The following MYOM2 variants were observed in gnomAD, a reference collection of about 807,000 sequenced individuals.
The protein encoded by MYOM2 is myomesin 2, also known as myomesin-2.
Under a neutral mutation model 187.6 loss-of-function variants are expected in MYOM2, and 254 were observed. The ratio of observed to expected loss-of-function variants is 1.35; its 90% CI spans 1.22 to 1.50. The LOEUF (loss-of-function observed/expected upper bound fraction) is 1.50. MYOM2 is among the 40% of genes most tolerant of loss of function. The pLI is 0.00. For synonymous variants in MYOM2, 981 were observed against 753.8 expected (o/e 1.30, Z -4.94); for missense variants, 2,796 against 1,924.0 (o/e 1.45, Z -8.48).
At chr8:2,134,866 A>T (rs1263721632) in intron 32 of MYOM2, among the ~76,000 whole-genome samples, 1 of 152,084 alleles carries the variant, frequency 6.6e-6, no homozygotes, top group Non-Finnish European at 1.5e-5. Context: ...CCATTGCTAC[A>T]ATCCCAGAAG....
intron 34 of MYOM2, among the ~76,000 whole-genome samples, chr8:2,141,518 C>T (rs1011540619): frequency 9.2e-5 from 14 of 152,030 alleles, no homozygotes; most frequent in African/African-American, 2.4e-4. Flanking sequence ...GGCTTTTGGC[C>T]GATTTCGGTC....
At chr8:2,088,090 G>C (rs943352808) in intron 14 of MYOM2, among the ~76,000 whole-genome samples, 2 of 151,960 alleles carry the variant, frequency 1.3e-5, no homozygotes, top group African/African-American at 4.8e-5. Context: ...GGGTACAGGG[G>C]GTATTTGGTT....
Position 2,076,199 on chromosome 8 carries a change from C to A in MYOM2, c.1179C>A (p.Asp393Glu). 6.2e-7 allele frequency: 1 copy of A among 1,613,572 alleles called. No individual in the cohort carries two copies. Among genetic ancestry groups the A allele is most frequent in the South Asian group, 1.1e-5 (1 of 90,924 alleles). ...PGAPMDLQCHDANRDYVIVTW... is the reference protein window; with the variant it reads ...PGAPMDLQCHEANRDYVIVTW... ...CACCCATGGACTTGCAGTGCCACGACGCCAACCGGGACTACGTCATCGTGA... is the reference window on the plus strand; with the variant it reads ...CACCCATGGACTTGCAGTGCCACGAAGCCAACCGGGACTACGTCATCGTGA... The change falls in exon 11 of 37, where the codon GAC becomes GAA. Residue 393 changes from aspartate (D) to glutamate (E), a missense_variant. Transcript: ENST00000262113.
At chr8:2,123,519 G>T in intron 29 of MYOM2, 36 bp from the exon 30 acceptor site, 1 of 1,575,832 alleles carries the variant, frequency 6.3e-7, no homozygotes, top group African/African-American at 1.3e-5. Context: ...TTGCAGTATT[G>T]ACTTTACATA....
At chr8:2,135,403 C>T (rs1798034064) in intron 32 of MYOM2, among the ~76,000 whole-genome samples, 1 of 152,144 alleles carries the variant, frequency 6.6e-6, no homozygotes, top group African/African-American at 2.4e-5. Context: ...GTTCCCCTTG[C>T]TTTCAGGTTG....
In MYOM2 at chr8:2,106,273, A is replaced by G; in HGVS notation, c.2766A>G (p.Glu922=). 1 of 1,614,190 alleles carries G rather than the reference A, an allele frequency of 6.2e-7. No homozygotes were observed. The highest frequency in any genetic ancestry group is 8.5e-7 in the Non-Finnish European group (1 of 1,180,044). The stretch of plus-strand genomic sequence containing the variant: ...AGGAAATCAGTGCTGGTGTCGATGA[A>G]CAAGGCAACATCTATCTGGGCTTCG... ...GTKEISAGVD[E]QGNIYLGFDC... is the part of the protein sequence containing the mutation. The change falls in exon 22 of 37, where the codon GAA becomes GAG. Residue 922 remains glutamate (E), a synonymous_variant. Transcript: ENST00000262113.
chr8:2,095,937 A>C (rs1247277387), intron 17 of MYOM2, among the ~76,000 whole-genome samples: 1 of 152,232 alleles, frequency 6.6e-6, no homozygotes, highest in Non-Finnish European at 1.5e-5. Flanking sequence ...AGAAGACAGA[A>C]CATCTTCTGC....
At position 2,137,917 on chromosome 8, in the gene MYOM2, G is replaced by A. The variant is rs185668962; in HGVS notation, c.3801-2806G>A. Among the ~76,000 whole-genome samples, 41 of 152,250 alleles carry A rather than the reference G, an allele frequency of 2.7e-4. 2 individuals are homozygous for A. In the East Asian group the frequency reaches 6.6e-3, roughly 24 times the overall value. On this transcript the variant is annotated intron_variant, in intron 32 of 36. Coordinates refer to ENST00000262113, the MANE Select transcript of MYOM2 (RefSeq NM_003970.4). Reference sequence around the variant, plus strand: ...TTTGCCTTCAGGTCTCTGCACAGACGGGCTTCTTGCTGCTCCTCACACGCC... The same window carrying A: ...TTTGCCTTCAGGTCTCTGCACAGACAGGCTTCTTGCTGCTCCTCACACGCC...
chr8:2,089,942 TCCTCCACACG>T (rs1162282911), intron 14 of MYOM2, 56 bp from the exon 15 acceptor site: 4 of 1,494,034 alleles, frequency 2.7e-6, no homozygotes, highest in Non-Finnish European at 3.7e-6. Context: ...CATTTCTTCC[TCCTCCACACG>T]CCTCTGGGGA....
rs112566516 is a variant in MYOM2, at chr8:2,092,452, C to T, written c.1935C>T (p.Tyr645=). Residue 645 remains tyrosine (Y), a synonymous_variant, in exon 16 of 37, where the codon TAC becomes TAT. Coordinates refer to ENST00000262113, the MANE Select transcript of MYOM2 (RefSeq NM_003970.4). ...PKHEEDLLGY[Y]VDCCVAGTNL... ...ATGAGGAGGACCTGCTGGGCTACTACGTGGACTGCTGTGTGGCCGGAACCA... is the reference window on the plus strand; with the variant it reads ...ATGAGGAGGACCTGCTGGGCTACTATGTGGACTGCTGTGTGGCCGGAACCA... 2.8e-5 allele frequency: 45 copies of T among 1,614,014 alleles called. No homozygotes were observed. The highest frequency in any genetic ancestry group is 1.6e-4 in the Middle Eastern group (1 of 6,080).
chr8:2,133,554 G>A (rs1260664691), intron 32 of MYOM2, among the ~76,000 whole-genome samples: 4 of 152,146 alleles, frequency 2.6e-5, no homozygotes, highest in African/African-American at 9.7e-5. Flanking sequence ...TCTGCCTCCT[G>A]GGTTCAAGTG....
At chr8:2,081,916 C>G (rs530564406) in intron 13 of MYOM2, 2 of 152,258 alleles carry the variant, frequency 1.3e-5, no homozygotes, top group Non-Finnish European at 2.9e-5. Context: ...TCCTTGCTTT[C>G]AGCAAGGCAG....
At chr8:2,083,425 CAGTA>C (rs1819700527) in intron 13 of MYOM2, among the ~76,000 whole-genome samples, 1 of 150,776 alleles carries the variant, frequency 6.6e-6, no homozygotes. Context: ...GTGTGCTTAG[CAGTA>C]TCTCATGTGT....
intron 17 of MYOM2, among the ~76,000 whole-genome samples, 196 bp downstream of exon 17, chr8:2,094,287 T>A (rs1050200841): frequency 1.3e-5 from 2 of 152,090 alleles, no homozygotes; most frequent in African/African-American, 4.8e-5. Flanking sequence ...GAGGGAGAAA[T>A]GATAATACAC....
intron 6 of MYOM2, among the ~76,000 whole-genome samples, chr8:2,065,781 C>T (rs1818999185): frequency 6.6e-6 from 1 of 152,216 alleles, no homozygotes; most frequent in African/African-American, 2.4e-5. Context: ...GAAGCTCTGC[C>T]TGAGGCCCCG....
chr8:2,066,470 G>T (rs961791080), intron 6 of MYOM2, among the ~76,000 whole-genome samples: 1 of 152,206 alleles, frequency 6.6e-6, no homozygotes, highest in Admixed American at 6.5e-5. Context: ...CGTTGTAGAG[G>T]AAGGGTTAGG....
Position 2,096,407 on chromosome 8 carries a change from C to G in MYOM2, c.2286C>G (p.Ser762=), listed in dbSNP as rs764786290. The G allele has an allele frequency of 4.3e-6, 7 of 1,614,106 alleles. No individual in the cohort carries two copies. In the African/African-American group the frequency reaches 8.0e-5, roughly 18 times the overall value. ...ATAAAAACTGGCACGAGGTCAATTC[C>G]TCACCCAGCAAACCGACAATCCTAA... The part of the protein sequence containing the change: ...VHHKNWHEVN[S]SPSKPTILTV... The change falls in exon 18 of 37, where the codon TCC becomes TCG. Residue 762 remains serine, a synonymous_variant. Transcript: ENST00000262113.
intron 13 of MYOM2, among the ~76,000 whole-genome samples, chr8:2,080,277 T>G (rs1819576213): frequency 6.6e-6 from 1 of 152,210 alleles, no homozygotes; most frequent in South Asian, 2.1e-4. Context: ...AGAGGTGATT[T>G]TGAGCTGCTC....
rs1796334216 is a variant in MYOM2, at chr8:2,092,362, G to A, written c.1845G>A (p.Pro615=). The A allele has an allele frequency of 3.7e-6, 6 of 1,613,894 alleles. No individual in the cohort carries two copies. The highest frequency in any genetic ancestry group is 1.3e-5 in the African/African-American group (1 of 74,894). ...TACGAAAAGTTGTCCCTTCTGCTCCGGGTCGGGTTCTTGCTTCCCGAAACA... is the reference window on the plus strand; with the variant it reads ...TACGAAAAGTTGTCCCTTCTGCTCCAGGTCGGGTTCTTGCTTCCCGAAACA... ...AQDVTVVPSA[P]GRVLASRNTK... Residue 615 remains proline (P), a synonymous_variant, in exon 16 of 37, where the codon CCG becomes CCA. Transcript: ENST00000262113.
Sources: gnomAD v4.1 joint callset for allele counts (sites outside exome capture counted in the v4.1 genomes callset) on GRCh38, gnomAD v4.1.1 for gene constraint, MANE v1.5 for transcripts, NCBI Gene and HGNC (gene_info 2026-07-23, HGNC 2026-07-21) for gene names.